Variants in PSMB2 observed in about 807,000 individuals in gnomAD.
The protein encoded by PSMB2 is proteasome subunit beta type-2.
Under a neutral mutation model 25.7 loss-of-function variants are expected in PSMB2, and 13 were observed. The ratio of observed to expected loss-of-function variants is 0.51; its 90% CI spans 0.33 to 0.80. The LOEUF (loss-of-function observed/expected upper bound fraction) is 0.80, where lower values mean the gene tolerates loss of function less well. Ranked by LOEUF, PSMB2 falls within the 30% of genes least tolerant of loss-of-function variation. The probability of loss-of-function intolerance (pLI) is 0.02; values close to 1 mark genes in which losing one functional copy is unlikely to be tolerated. For synonymous variants in PSMB2, 87 were observed against 96.2 expected (o/e 0.90, Z 0.56); for missense variants, 202 against 259.0 (o/e 0.78, Z 1.51).
intron 3 of PSMB2, among the ~76,000 whole-genome samples, chr1:35,619,097 G>A (rs768125293): frequency 1.3e-5 from 2 of 152,116 alleles, no homozygotes; most frequent in Admixed American, 6.5e-5. Context: ...GTCATTCTCC[G>A]AAAGTATATT....
At chr1:35,615,554 A>C (rs1262093882) in intron 3 of PSMB2, among the ~76,000 whole-genome samples, 1 of 152,236 alleles carries the variant, frequency 6.6e-6, no homozygotes, top group Non-Finnish European at 1.5e-5. Flanking sequence ...AAATACACTG[A>C]AACAACAAAA....
chr1:35,610,893 G>C (rs999571117), intron 3 of PSMB2, among the ~76,000 whole-genome samples: 1 of 152,312 alleles, frequency 6.6e-6, no homozygotes, highest in African/African-American at 2.4e-5. Flanking sequence ...TGGATTTATA[G>C]GTATCCTTTC....
intron 3 of PSMB2, among the ~76,000 whole-genome samples, chr1:35,615,599 G>T (rs977149744): frequency 1.3e-5 from 2 of 152,330 alleles, no homozygotes; most frequent in Admixed American, 6.5e-5. Flanking sequence ...ACAAGCAGCG[G>T]TGTGACATCT....
chr1:35,600,861 T>C lies in PSMB2; in HGVS notation c.*2406A>G, dbSNP rs76105449. 5,867 of 985,402 alleles carry C rather than the reference T, an allele frequency of 6.0e-3. 165 individuals are homozygous for C. In the East Asian group the frequency reaches 0.063, roughly 11 times the overall value. The allele number at this position is 985,402 out of a possible 1,614,324, so 61.0% of individuals were successfully genotyped here. ...AGAATAACAAGTTTACCAATCATTA[T>C]ACACTTACTGAGCACTTACCACATG... On this transcript the variant is annotated 3_prime_UTR_variant, in exon 6 of 6. Transcript: ENST00000373237.
rs571776569 is a variant in PSMB2, at chr1:35,636,200, T to C, written c.214+110A>G. 82 of 1,388,678 alleles carry C rather than the reference T, an allele frequency of 5.9e-5. No individual in the cohort carries two copies. The East Asian group carries it at 1.8e-3, about 31-fold the overall frequency. 86.0% of individuals were successfully genotyped at this position (1,388,678 alleles called of 1,614,324 possible). On this transcript the variant is annotated intron_variant, in intron 2 of 5. Coordinates refer to ENST00000373237, the MANE Select transcript of PSMB2 (RefSeq NM_002794.5). Reference sequence around the variant, plus strand: ...ACCTTAATCTTTGACTTCTAACATCTAGAACTGTGAGAAAATACATTTCTG... The same window carrying C: ...ACCTTAATCTTTGACTTCTAACATCCAGAACTGTGAGAAAATACATTTCTG...
At chr1:35,639,210 C>T (rs897119975) in intron 1 of PSMB2, among the ~76,000 whole-genome samples, 4 of 152,174 alleles carry the variant, frequency 2.6e-5, no homozygotes, top group African/African-American at 4.8e-5. Flanking sequence ...GCCGAGATCG[C>T]GCCATTGCAC....
chr1:35,622,357 T>G (rs1424919803), intron 3 of PSMB2, among the ~76,000 whole-genome samples: 1 of 152,078 alleles, frequency 6.6e-6, no homozygotes, highest in Admixed American at 6.6e-5. Context: ...ATCTTAAAAG[T>G]TGGGGGTAAA....
intron 3 of PSMB2, among the ~76,000 whole-genome samples, chr1:35,615,762 G>C (rs1650474915): frequency 6.6e-6 from 1 of 152,218 alleles, no homozygotes; most frequent in Admixed American, 6.5e-5. Context: ...ACACTGCTAT[G>C]AGTGAGGTGC....
chr1:35,614,647 A>C (rs1650443113), intron 3 of PSMB2, among the ~76,000 whole-genome samples: 1 of 152,226 alleles, frequency 6.6e-6, no homozygotes, highest in Non-Finnish European at 1.5e-5. Context: ...CATTCATCCA[A>C]GTGAACCCAA....
chr1:35,628,458 T>C (rs2148574192), intron 3 of PSMB2, among the ~76,000 whole-genome samples: 1 of 150,716 alleles, frequency 6.6e-6, no homozygotes, highest in South Asian at 2.1e-4. Flanking sequence ...ACATGGCAAG[T>C]CATAAAATGC....
intron 3 of PSMB2, among the ~76,000 whole-genome samples, chr1:35,613,822 T>A (rs1300090039): frequency 6.6e-6 from 1 of 152,204 alleles, no homozygotes; most frequent in African/African-American, 2.4e-5. Flanking sequence ...AATTTTAATT[T>A]CTCATTTAAA....
At chr1:35,608,135 C>T (rs1409886630) in intron 4 of PSMB2, among the ~76,000 whole-genome samples, 1 of 152,140 alleles carries the variant, frequency 6.6e-6, no homozygotes, top group Non-Finnish European at 1.5e-5. Flanking sequence ...GAGGGCAAGG[C>T]GGGTGGATCA....
intron 3 of PSMB2, among the ~76,000 whole-genome samples, chr1:35,629,904 C>T (rs1471898001): frequency 6.6e-6 from 1 of 152,152 alleles, no homozygotes; most frequent in Non-Finnish European, 1.5e-5. Context: ...TGCGGTGGCT[C>T]GCGCCTGTAA....
At chr1:35,612,814 C>T (rs1238842111) in intron 3 of PSMB2, among the ~76,000 whole-genome samples, 2 of 152,138 alleles carry the variant, frequency 1.3e-5, no homozygotes, top group African/African-American at 4.8e-5. Context: ...TTAAGTATTC[C>T]CCCAGATACT....
Position 35,601,790 on chromosome 1 carries a change from A to G in PSMB2, c.*1477T>C, listed in dbSNP as rs1650009406. The G allele has an allele frequency of 1.0e-6, 1 of 985,330 alleles. No homozygotes were observed. Among genetic ancestry groups the G allele is most frequent in the Non-Finnish European group, 1.2e-6 (1 of 829,932 alleles). 61.0% of individuals were successfully genotyped at this position (985,330 alleles called of 1,614,324 possible). ...CCAGCAGCATCAGTAGCAACTGGAA[A>G]TGTGAGATGAACATTCTGAAACACA... On this transcript the variant is annotated 3_prime_UTR_variant, in exon 6 of 6. Coordinates refer to ENST00000373237, the MANE Select transcript of PSMB2 (RefSeq NM_002794.5).
chr1:35,624,272 A>AT (rs2148571827), intron 3 of PSMB2, among the ~76,000 whole-genome samples: 1 of 152,346 alleles, frequency 6.6e-6, no homozygotes, highest in Admixed American at 6.5e-5. Context: ...AAACCATCCA[A>AT]TCAAATGCTT....
chr1:35,636,825 G>A (rs982909648), intron 1 of PSMB2, among the ~76,000 whole-genome samples: 1 of 152,146 alleles, frequency 6.6e-6, no homozygotes, highest in African/African-American at 2.4e-5. Context: ...TTGGGTATCT[G>A]CAGGGGTTCT....
At chr1:35,638,950 G>C (rs1651318968) in intron 1 of PSMB2, among the ~76,000 whole-genome samples, 1 of 152,144 alleles carries the variant, frequency 6.6e-6, no homozygotes, top group Non-Finnish European at 1.5e-5. Flanking sequence ...TGAAATGAAT[G>C]ATTAGAAAAA....
intron 3 of PSMB2, among the ~76,000 whole-genome samples, chr1:35,625,124 T>C (rs1650815369): frequency 6.6e-6 from 1 of 151,844 alleles, no homozygotes; most frequent in South Asian, 2.1e-4. Flanking sequence ...CTTCACAGAA[T>C]AAAGTTTGAA....
Sources: gnomAD v4.1 joint callset for allele counts (sites outside exome capture counted in the v4.1 genomes callset) on GRCh38, gnomAD v4.1.1 for gene constraint, MANE v1.5 for transcripts, NCBI Gene and HGNC (gene_info 2026-07-23, HGNC 2026-07-21) for gene names.